HS6ST3: variants seen among roughly 807,000 people sequenced by gnomAD.
HS6ST3 encodes the protein heparan-sulfate 6-O-sulfotransferase 3.
Under a neutral mutation model 36.7 loss-of-function variants are expected in HS6ST3, and 12 were observed. The observed-to-expected ratio is 0.33, with a 90% CI of 0.21 to 0.53. The LOEUF (loss-of-function observed/expected upper bound fraction) is 0.53, where lower values mean the gene tolerates loss of function less well. Among genes scored for constraint, HS6ST3 ranks in the 20% least tolerant of loss-of-function variants. The pLI is 0.95. For missense variants in HS6ST3, 584 were observed against 640.9 expected (o/e 0.91, Z 0.96); for synonymous variants, 240 against 257.5 (o/e 0.93, Z 0.65).
chr13:96,132,842 G>T (rs535126771), intron 1 of HS6ST3, among the ~76,000 whole-genome samples: 28 of 152,198 alleles, frequency 1.8e-4, no homozygotes, highest in Admixed American at 1.3e-3. Context: ...ATATCTCATT[G>T]TGGCTTTAAT....
intron 1 of HS6ST3, among the ~76,000 whole-genome samples, chr13:96,702,533 CA>C (rs1875316618): frequency 6.6e-6 from 1 of 152,140 alleles, no homozygotes; most frequent in Non-Finnish European, 1.5e-5. Context: ...TTGAACCTTC[CA>C]GAGTACAGTG....
chr13:96,707,713 C>A (rs1269141904), intron 1 of HS6ST3, among the ~76,000 whole-genome samples: 4 of 152,170 alleles, frequency 2.6e-5, no homozygotes, highest in Admixed American at 2.6e-4. Flanking sequence ...CCTTTGCAGT[C>A]TGTGTGCTCA....
chr13:96,444,474 G>T (rs1450499072), intron 1 of HS6ST3, among the ~76,000 whole-genome samples: 2 of 152,166 alleles, frequency 1.3e-5, no homozygotes, highest in Non-Finnish European at 2.9e-5. Context: ...TGAGGTCTTA[G>T]TCTTGTTTCT....
chr13:96,419,075 A>G (rs888168955), intron 1 of HS6ST3, among the ~76,000 whole-genome samples: 5 of 152,252 alleles, frequency 3.3e-5, no homozygotes, highest in African/African-American at 7.2e-5. Context: ...TCTAGTGTCA[A>G]TTGAATAGGC....
At chr13:96,485,278 G>T (rs1283142927) in intron 1 of HS6ST3, among the ~76,000 whole-genome samples, 8 of 152,014 alleles carry the variant, frequency 5.3e-5, no homozygotes, top group Non-Finnish European at 1.2e-4. Flanking sequence ...GAGGTTTGTA[G>T]TCTTCCTCAT....
At chr13:96,463,053 A>G (rs1274496849) in intron 1 of HS6ST3, among the ~76,000 whole-genome samples, 1 of 152,236 alleles carries the variant, frequency 6.6e-6, no homozygotes, top group Non-Finnish European at 1.5e-5. Flanking sequence ...GGAAGACATT[A>G]ACTTTTCCCA....
At chr13:96,653,211 A>AT (rs929717375) in intron 1 of HS6ST3, among the ~76,000 whole-genome samples, 31 of 149,606 alleles carry the variant, frequency 2.1e-4, no homozygotes, top group African/African-American at 4.6e-4. Flanking sequence ...CTTTTTATAT[A>AT]TTTTTTTTAT....
At chr13:96,381,922 G>T (rs553466195) in intron 1 of HS6ST3, among the ~76,000 whole-genome samples, 1 of 152,274 alleles carries the variant, frequency 6.6e-6, no homozygotes, top group African/African-American at 2.4e-5. Context: ...GAGGACACTG[G>T]CCCATGCAGG....
At chr13:96,669,503 G>A (rs2056676209) in intron 1 of HS6ST3, among the ~76,000 whole-genome samples, 1 of 152,150 alleles carries the variant, frequency 6.6e-6, no homozygotes, top group Admixed American at 6.5e-5. Flanking sequence ...AGCTCACATT[G>A]AGGAAGGCTT....
At chr13:96,525,311 G>A (rs2056109367) in intron 1 of HS6ST3, among the ~76,000 whole-genome samples, 1 of 151,984 alleles carries the variant, frequency 6.6e-6, no homozygotes, top group African/African-American at 2.4e-5. Flanking sequence ...GCTTATTGTT[G>A]GCACCTGCTA....
At chr13:96,774,832 C>T (rs1877348798) in intron 1 of HS6ST3, among the ~76,000 whole-genome samples, 1 of 152,040 alleles carries the variant, frequency 6.6e-6, no homozygotes, top group Non-Finnish European at 1.5e-5. Flanking sequence ...ATACAGGGAA[C>T]ACTAAAAAGA....
chr13:96,732,447 G>A lies in HS6ST3; in HGVS notation c.708-100043G>A, dbSNP rs556895201. On this transcript the variant is annotated intron_variant, in intron 1 of 1. Transcript: ENST00000376705. ...GAAGTCTGTTTTTTCCCCGTTGTGC[G>A]TTCTTGGTGCCTTTGTCGAAAACAG... Among the ~76,000 whole-genome samples, 20 of 151,486 alleles carry A rather than the reference G, an allele frequency of 1.3e-4. No individual in the cohort carries two copies. In the South Asian group the frequency reaches 2.5e-3, roughly 19 times the overall value.
chr13:96,646,690 G>T (rs1267843262), intron 1 of HS6ST3, among the ~76,000 whole-genome samples: 4 of 151,922 alleles, frequency 2.6e-5, no homozygotes, highest in Non-Finnish European at 5.9e-5. Flanking sequence ...GCCGATGAAA[G>T]TGGATCAATT....
chr13:96,271,717 C>T (rs1367800202), intron 1 of HS6ST3, among the ~76,000 whole-genome samples: 1 of 152,004 alleles, frequency 6.6e-6, no homozygotes, highest in Non-Finnish European at 1.5e-5. Flanking sequence ...ATCTCCCAAT[C>T]TCAGTGGGAA....
intron 1 of HS6ST3, among the ~76,000 whole-genome samples, chr13:96,315,241 T>TGGTTGTTA (rs1566321204): frequency 2.6e-4 from 40 of 152,174 alleles, no homozygotes; most frequent in African/African-American, 9.4e-4. Flanking sequence ...ACAACTGATA[T>TGGTTGTTA]TGGTTGGTTA....
rs182471624 is a variant in HS6ST3, at chr13:96,742,462, C to T, written c.708-90028C>T. On this transcript the variant is annotated intron_variant, in intron 1 of 1. Coordinates refer to ENST00000376705, the MANE Select transcript of HS6ST3 (RefSeq NM_153456.4). ...CACCCCTAAAACATACAGACACAGA[C>T]GATTGAAAGTGAAAGGATGAAAAAA... 7.2e-5 allele frequency among the ~76,000 whole-genome samples: 11 copies of T among 151,974 alleles called. 1 individual carries two copies. The South Asian group carries it at 1.0e-3, about 14-fold the overall frequency.
At chr13:96,632,906 T>G (rs2056536703) in intron 1 of HS6ST3, among the ~76,000 whole-genome samples, 1 of 152,222 alleles carries the variant, frequency 6.6e-6, no homozygotes, top group Non-Finnish European at 1.5e-5. Flanking sequence ...TGTAAAAATC[T>G]GGGAATATGT....
intron 1 of HS6ST3, among the ~76,000 whole-genome samples, chr13:96,722,344 G>A (rs1875871287): frequency 6.6e-6 from 1 of 152,114 alleles, no homozygotes; most frequent in Admixed American, 6.5e-5. Context: ...ATAGGATATT[G>A]CATCTCAATT....
At chr13:96,293,934 G>A (rs1302199470) in intron 1 of HS6ST3, among the ~76,000 whole-genome samples, 1 of 152,118 alleles carries the variant, frequency 6.6e-6, no homozygotes, top group Admixed American at 6.6e-5. Flanking sequence ...GCATTTTCAA[G>A]AGTCTCACAG....
Sources: allele counts gnomAD v4.1 joint callset (sites outside exome capture counted in the v4.1 genomes callset), GRCh38; gene constraint gnomAD v4.1.1; transcripts MANE v1.5; gene names NCBI Gene and HGNC (gene_info 2026-07-23, HGNC 2026-07-21).